Variants in EGFLAM observed in about 807,000 individuals in gnomAD.
The protein encoded by EGFLAM is EGF like, fibronectin type III and laminin G domains.
Under a neutral mutation model 113.1 loss-of-function variants are expected in EGFLAM, and 79 were observed. That is an observed-to-expected ratio of 0.70 (90% CI 0.58 to 0.84). EGFLAM has a LOEUF of 0.84. EGFLAM is among the 40% of genes least tolerant of loss of function. The probability of loss-of-function intolerance (pLI) is 0.00; values close to 1 mark genes in which losing one functional copy is unlikely to be tolerated. For missense variants in EGFLAM, 1,265 were observed against 1,291.6 expected (o/e 0.98, Z 0.32); for synonymous variants, 504 against 487.6 (o/e 1.03, Z -0.44).
chr5:38,270,896 T>G (rs544001093), intron 1 of EGFLAM, among the ~76,000 whole-genome samples: 1 of 152,200 alleles, frequency 6.6e-6, no homozygotes, highest in Non-Finnish European at 1.5e-5. Flanking sequence ...ATGTTAACTT[T>G]TCTATATTTA....
At chr5:38,364,648 G>A (rs191217972) in intron 5 of EGFLAM, among the ~76,000 whole-genome samples, 2 of 152,168 alleles carry the variant, frequency 1.3e-5, no homozygotes, top group African/African-American at 2.4e-5. Context: ...TTGAAAGATC[G>A]TGCAGACATC....
At chr5:38,355,006 C>T (rs1398653161) in intron 5 of EGFLAM, among the ~76,000 whole-genome samples, 1 of 152,124 alleles carries the variant, frequency 6.6e-6, no homozygotes, top group African/African-American at 2.4e-5. Flanking sequence ...CAGGTTACTT[C>T]CCCTACTGAG....
chr5:38,403,670 C>T lies in EGFLAM; in HGVS notation c.713-2456C>T, dbSNP rs1328903953. On this transcript the variant is annotated intron_variant, in intron 6 of 21. Coordinates refer to ENST00000322350, the MANE Select transcript of EGFLAM (RefSeq NM_152403.4). ...TGCTATTTCATCGTGCTACTCAGAA[C>T]TTATGAATTGTTTATTTCTGGAATT... 1.7e-5 allele frequency: 20 copies of T among 1,164,944 alleles called. No individual in the cohort carries two copies. The South Asian group carries it at 2.6e-4, about 15-fold the overall frequency. 72.2% of individuals were successfully genotyped at this position (1,164,944 alleles called of 1,614,324 possible).
In EGFLAM at chr5:38,412,948, G is replaced by A. The variant is rs543519839; in HGVS notation, c.1494+300G>A. ...GTCCATGTTGCAGGACTGTGCCCAAGGACATGTTCTCTTTCCCTAAGTACA... is the reference window on the plus strand; with the variant it reads ...GTCCATGTTGCAGGACTGTGCCCAAAGACATGTTCTCTTTCCCTAAGTACA... On this transcript the variant is annotated intron_variant, in intron 11 of 21. Transcript: ENST00000322350. Among the ~76,000 whole-genome samples the A allele has an allele frequency of 9.2e-5, 14 of 152,188 alleles. No individual in the cohort carries two copies. The East Asian group carries it at 2.7e-3, about 30-fold the overall frequency.
rs752613827 is a variant in EGFLAM at position 38,417,347 on chromosome 5, CAAAAAAAAAAA to C, written c.1495-707_1495-697del. ...TGGGAGACAGAGCGAGACTCTGTCT[CAAAAAAAAAAA>C]AAAAAAAAAAACAAAAAAAAAAGGC... On this transcript the variant is annotated intron_variant, in intron 11 of 21. Coordinates refer to ENST00000322350, the MANE Select transcript of EGFLAM (RefSeq NM_152403.4). Among the ~76,000 whole-genome samples the C allele has an allele frequency of 8.9e-5, 7 of 78,482 alleles. 1 individual carries two copies. The allele number at this position is 78,482 out of a possible 152,430, so 51.5% of individuals were successfully genotyped here. A position where few individuals can be genotyped will look rare whatever the true frequency, so the allele number is the denominator to read the frequency against.
At chr5:38,433,315 T>G (rs1424859664) in intron 15 of EGFLAM, among the ~76,000 whole-genome samples, 1 of 152,210 alleles carries the variant, frequency 6.6e-6, no homozygotes, top group African/African-American at 2.4e-5. Flanking sequence ...AGCCTGGGCT[T>G]GAGTCCGACT....
chr5:38,351,698 A>G (rs151071572), intron 4 of EGFLAM, among the ~76,000 whole-genome samples: 2 of 152,308 alleles, frequency 1.3e-5, no homozygotes, highest in East Asian at 3.9e-4. Flanking sequence ...CATTTCCCAA[A>G]TGACCTACCA....
chr5:38,260,973 G>T (rs1283427484), intron 1 of EGFLAM, among the ~76,000 whole-genome samples: 1 of 152,200 alleles, frequency 6.6e-6, no homozygotes, highest in Non-Finnish European at 1.5e-5. Context: ...TTCCTCAACA[G>T]AAATTGGTAC....
At chr5:38,407,928 TGA>T in intron 9 of EGFLAM, 23 bp downstream of exon 9, 1 of 1,563,474 alleles carries the variant, frequency 6.4e-7, no homozygotes, top group Non-Finnish European at 8.8e-7. Context: ...TGTTGTTTGA[TGA>T]GTGCTTTTTG....
chr5:38,271,238 C>T (rs1449689239), intron 1 of EGFLAM, among the ~76,000 whole-genome samples: 1 of 152,148 alleles, frequency 6.6e-6, no homozygotes, highest in African/African-American at 2.4e-5. Flanking sequence ...ACATCATTTG[C>T]AGTTAGAATA....
At chr5:38,408,879 GACCCTTT>G in intron 9 of EGFLAM, 118 bp from the exon 10 acceptor site, 1 of 806,664 alleles carries the variant, frequency 1.2e-6, no homozygotes, top group East Asian at 2.7e-5. Context: ...CCACATGCTT[GACCCTTT>G]GTAGATAGGA....
chr5:38,325,907 A>T (rs1182138260), intron 1 of EGFLAM, among the ~76,000 whole-genome samples: 1 of 151,994 alleles, frequency 6.6e-6, no homozygotes, highest in Non-Finnish European at 1.5e-5. Flanking sequence ...AAATACCTGA[A>T]AATTAAAATT....
At chr5:38,454,360 G>A (rs1211157989) in intron 19 of EGFLAM, among the ~76,000 whole-genome samples, 3 of 146,554 alleles carry the variant, frequency 2.0e-5, no homozygotes, top group Admixed American at 1.3e-4. Flanking sequence ...GATCCCCCAC[G>A]TGGGCTCATG....
chr5:38,341,522 G>A (rs1739337449), intron 3 of EGFLAM, among the ~76,000 whole-genome samples: 1 of 152,178 alleles, frequency 6.6e-6, no homozygotes, highest in Admixed American at 6.5e-5. Flanking sequence ...AGATTTGGGT[G>A]GAGACATAGA....
At chr5:38,393,059 G>A (rs1179627310) in intron 6 of EGFLAM, among the ~76,000 whole-genome samples, 1 of 151,956 alleles carries the variant, frequency 6.6e-6, no homozygotes, top group Non-Finnish European at 1.5e-5. Context: ...TTCTTTTCTT[G>A]ATTTTTTGCT....
intron 15 of EGFLAM, 128 bp from the exon 16 acceptor site, chr5:38,435,009 G>C: frequency 1.4e-6 from 1 of 706,692 alleles, no homozygotes; most frequent in Non-Finnish European, 2.5e-6. Context: ...TGTGTAGACA[G>C]ATTGTCATGA....
intron 12 of EGFLAM, among the ~76,000 whole-genome samples, chr5:38,420,977 G>A (rs950854016): frequency 2.6e-5 from 4 of 152,140 alleles, no homozygotes; most frequent in South Asian, 2.1e-4. Flanking sequence ...CATTTCCCCC[G>A]GGGTTATAAG....
chr5:38,329,688 G>T (rs1738991324), intron 1 of EGFLAM, among the ~76,000 whole-genome samples: 1 of 152,152 alleles, frequency 6.6e-6, no homozygotes, highest in Non-Finnish European at 1.5e-5. Flanking sequence ...AGTATATGCT[G>T]CTCTCTCTGC....
Position 38,339,322 on chromosome 5 carries a change from A to G in EGFLAM, c.291+541A>G, listed in dbSNP as rs181757379. Among the ~76,000 whole-genome samples the G allele has an allele frequency of 1.2e-3, 180 of 152,040 alleles. 2 individuals carry two copies. Among genetic ancestry groups the G allele is most frequent in the Admixed American group, 8.5e-4 (13 of 15,276 alleles). ...TTTCTCATCAAGGTCTCTTGAGTGA[A>G]TTTTTGGCCTTAGGCATCTTGAATT... On this transcript the variant is annotated intron_variant, in intron 3 of 21. Transcript: ENST00000322350.
Sources: gnomAD v4.1 joint callset for allele counts (sites outside exome capture counted in the v4.1 genomes callset) on GRCh38, gnomAD v4.1.1 for gene constraint, MANE v1.5 for transcripts, NCBI Gene and HGNC (gene_info 2026-07-23, HGNC 2026-07-21) for gene names.